The following PTK2B variants were observed in gnomAD, a reference collection of about 807,000 sequenced individuals.
PTK2B encodes protein-tyrosine kinase 2-beta.
In PTK2B, 71 loss-of-function variants were observed where a neutral mutation model predicts 142.9. That is an observed-to-expected ratio of 0.50 (90% CI 0.41 to 0.61). The LOEUF (loss-of-function observed/expected upper bound fraction) is 0.61. Among genes scored for constraint, PTK2B ranks in the 20% least tolerant of loss-of-function variants. PTK2B has a pLI of 0.00. For missense variants in PTK2B, 1,105 were observed against 1,320.4 expected (o/e 0.84, Z 2.53); for synonymous variants, 519 against 503.4 (o/e 1.03, Z -0.42).
Position 27,440,407 on chromosome 8 carries a change from C to A in PTK2B, c.2005C>A (p.Arg669=). ...CTGCTGGGACTACGACCCCAGTGAC[C>A]GGCCCCGCTTCACCGAGCTGGTGTG... The part of the protein sequence containing the change: ...TRCWDYDPSD[R]PRFTELVCSL... The change falls in exon 21 of 31, where the codon CGG becomes AGG. Residue 669 remains arginine (R), a synonymous_variant. Coordinates refer to ENST00000346049, the MANE Select transcript of PTK2B (RefSeq NM_173176.3). 6.2e-7 allele frequency: 1 copy of A among 1,614,098 alleles called. No homozygotes were observed. The highest frequency in any genetic ancestry group is 8.5e-7 in the Non-Finnish European group (1 of 1,180,040).
Position 27,410,058 on chromosome 8 carries a change from A to T in PTK2B, c.205-9837A>T, listed in dbSNP as rs370167507. On this transcript the variant is annotated intron_variant, in intron 2 of 30. Transcript: ENST00000346049. ...TTCAACAAAAGCTTAAGTGTAGTTT[A>T]TTTATTAAAATGTTAAGTATAGTCA... is the stretch of plus-strand genomic sequence containing the variant. 6.7e-4 allele frequency among the ~76,000 whole-genome samples: 102 copies of T among 152,308 alleles called. 1 individual carries two copies. The highest frequency in any genetic ancestry group is 2.2e-3 in the African/African-American group (91 of 41,578).
rs191826094 is a variant in PTK2B, at chr8:27,351,315, A to G, written c.-38+25634A>G. Among the ~76,000 whole-genome samples, 1,142 of 152,106 alleles carry G rather than the reference A, an allele frequency of 7.5e-3. 8 individuals are homozygous for G. The highest frequency in any genetic ancestry group is 0.013 in the Non-Finnish European group (882 of 67,992). On this transcript the variant is annotated intron_variant, in intron 1 of 30. Transcript: ENST00000346049. ...ATCAAAGAATATTAAGCCGATAGGA[A>G]CTGTAATAATCACCTGGTCCAATCC...
intron 1 of PTK2B, among the ~76,000 whole-genome samples, chr8:27,395,297 T>C (rs1179271534): frequency 2.6e-5 from 4 of 152,186 alleles, no homozygotes; most frequent in African/African-American, 4.8e-5. Flanking sequence ...GCCACTGTTA[T>C]GATGTCACTA....
intron 3 of PTK2B, among the ~76,000 whole-genome samples, chr8:27,317,016 A>G (rs1451043566): frequency 6.6e-6 from 1 of 152,192 alleles, no homozygotes; most frequent in Non-Finnish European, 1.5e-5. Context: ...TATGTCAGTG[A>G]CTTTAGATTC....
chr8:27,403,840 TTC>T (rs1808531944), intron 2 of PTK2B, among the ~76,000 whole-genome samples: 2 of 151,990 alleles, frequency 1.3e-5, no homozygotes, highest in African/African-American at 4.8e-5. Flanking sequence ...TTCTTCTTTC[TTC>T]TCTCTTCTTT....
At chr8:27,325,942 A>G (rs1214606979) in intron 1 of PTK2B, among the ~76,000 whole-genome samples, 1 of 152,104 alleles carries the variant, frequency 6.6e-6, no homozygotes, top group South Asian at 2.1e-4. Context: ...TGTCCTCTCA[A>G]CATATTCAGA....
At position 27,436,279 on chromosome 8, in the gene PTK2B, T is replaced by C. The variant is rs139830819; in HGVS notation, c.1272T>C (p.Asp424=). Residue 424 remains aspartate, a synonymous_variant, in exon 15 of 31, where the codon GAT becomes GAC. Coordinates refer to ENST00000346049, the MANE Select transcript of PTK2B (RefSeq NM_173176.3). ...GGPQYGIARE[D]VVLNRILGEG... is the part of the protein sequence containing the mutation. The stretch of plus-strand genomic sequence containing the variant: ...CACAGTATGGCATTGCCCGTGAAGA[T>C]GTGGTCCTGAATCGTATTCTTGGGG... The C allele has an allele frequency of 8.1e-6, 13 of 1,614,230 alleles. No individual in the cohort carries two copies. The highest frequency in any genetic ancestry group is 8.0e-5 in the African/African-American group (6 of 75,076).
At chr8:27,403,922 T>C (rs556316927) in intron 2 of PTK2B, among the ~76,000 whole-genome samples, 5 of 151,620 alleles carry the variant, frequency 3.3e-5, no homozygotes, top group African/African-American at 1.2e-4. Context: ...TCTTTCTCCT[T>C]CTCCTTCTCT....
chr8:27,408,051 A>G (rs920695403), intron 2 of PTK2B, among the ~76,000 whole-genome samples: 6 of 152,188 alleles, frequency 3.9e-5, no homozygotes, highest in Admixed American at 1.3e-4. Flanking sequence ...TCAGAAAACA[A>G]TATCCCCAAA....
chr8:27,389,331 A>T (rs56085315), intron 1 of PTK2B, among the ~76,000 whole-genome samples: 1 of 151,854 alleles, frequency 6.6e-6, no homozygotes, highest in East Asian at 1.9e-4. Flanking sequence ...GAGGGAAGAC[A>T]GGAAGACACT....
At chr8:27,387,629 C>A (rs897311985) in intron 1 of PTK2B, among the ~76,000 whole-genome samples, 1 of 152,112 alleles carries the variant, frequency 6.6e-6, no homozygotes, top group Non-Finnish European at 1.5e-5. Flanking sequence ...GAGGTGGGAT[C>A]GTGTGTGCAG....
chr8:27,430,248 A>G, intron 6 of PTK2B, 93 bp downstream of exon 6: 2 of 1,578,472 alleles, frequency 1.3e-6, no homozygotes, highest in Non-Finnish European at 1.7e-6. Context: ...CCCAGACCAG[A>G]GCCACATAGG....
chr8:27,408,702 A>G (rs1342455206), intron 2 of PTK2B, among the ~76,000 whole-genome samples: 2 of 152,230 alleles, frequency 1.3e-5, no homozygotes, highest in Middle Eastern at 3.2e-3. Flanking sequence ...AAAATTTATT[A>G]AAATTCTCAT....
intron 26 of PTK2B, 103 bp downstream of exon 26, chr8:27,451,181 A>T (rs2132455126): frequency 7.4e-7 from 1 of 1,352,488 alleles, no homozygotes; most frequent in East Asian, 2.3e-5. Flanking sequence ...AGGCCTGCCC[A>T]GCTCCTCCTC....
At chr8:27,383,554 T>G (rs1807158711) in intron 1 of PTK2B, among the ~76,000 whole-genome samples, 1 of 152,152 alleles carries the variant, frequency 6.6e-6, no homozygotes, top group South Asian at 2.1e-4. Flanking sequence ...CCACCGCGCC[T>G]GGCCTCCTCT....
rs375881525 is a variant in PTK2B at position 27,437,203 on chromosome 8, G to T, written c.1423G>T (p.Ala475Ser). ...LDNKEKFMSE[A>S]VIMKNLDHPH... ...CAACAAGGAGAAGTTCATGAGCGAGGCAGGTAGGGACCCCTGAGACCAACC... is the reference window on the plus strand; with the variant it reads ...CAACAAGGAGAAGTTCATGAGCGAGTCAGGTAGGGACCCCTGAGACCAACC... Residue 475 changes from alanine to serine, a missense_variant, in exon 16 of 31, where the codon GCA (alanine) becomes TCA (serine). Coordinates refer to ENST00000346049, the MANE Select transcript of PTK2B (RefSeq NM_173176.3). 1.2e-6 allele frequency: 2 copies of T among 1,613,606 alleles called. No homozygotes were observed. The highest frequency in any genetic ancestry group is 1.7e-6 in the Non-Finnish European group (2 of 1,179,646).
chr8:27,426,157 G>A lies in PTK2B; in HGVS notation c.551+3774G>A, dbSNP rs75077945. 4.6e-5 allele frequency among the ~76,000 whole-genome samples: 7 copies of A among 152,208 alleles called. No individual in the cohort carries two copies. The South Asian group carries it at 6.2e-4, about 14-fold the overall frequency. ...GTTAATAAATAAAGATTAGAGAAAC[G>A]ACACACAGCTTGCTTTGCTTCAAAA... On this transcript the variant is annotated intron_variant, in intron 5 of 30. Transcript: ENST00000346049.
intron 30 of PTK2B, among the ~76,000 whole-genome samples, chr8:27,457,050 C>T (rs1291058166): frequency 6.6e-6 from 1 of 152,226 alleles, no homozygotes; most frequent in Non-Finnish European, 1.5e-5. Context: ...AGCAAGTTCT[C>T]TAGAAGACCC....
chr8:27,402,232 C>T (rs79849375), intron 2 of PTK2B, among the ~76,000 whole-genome samples: 2,511 of 151,618 alleles, frequency 0.017, 27 homozygotes, highest in Middle Eastern at 0.051. Context: ...AGGAGATTCA[C>T]GAATGAGGAA....
Sources: allele counts gnomAD v4.1 joint callset (sites outside exome capture counted in the v4.1 genomes callset), GRCh38; gene constraint gnomAD v4.1.1; transcripts MANE v1.5; gene names NCBI Gene and HGNC (gene_info 2026-07-23, HGNC 2026-07-21).